Variants in MYT1L observed in about 807,000 individuals in gnomAD.
The protein encoded by MYT1L is myelin transcription factor 1-like protein.
MYT1L carries 12 observed loss-of-function variants against 126.7 expected under a neutral mutation model. The ratio of observed to expected loss-of-function variants is 0.09; its 90% CI spans 0.06 to 0.15. The LOEUF (loss-of-function observed/expected upper bound fraction) is 0.15. Among genes scored for constraint, MYT1L ranks in the 10% least tolerant of loss-of-function variants. The probability of loss-of-function intolerance (pLI) is 1.00; values close to 1 mark genes in which losing one functional copy is unlikely to be tolerated. For synonymous variants in MYT1L, 541 were observed against 604.2 expected (o/e 0.90, Z 1.53); for missense variants, 979 against 1,585.2 (o/e 0.62, Z 6.49).
At chr2:1,969,313 G>T (rs2059628540) in intron 8 of MYT1L, among the ~76,000 whole-genome samples, 1 of 152,230 alleles carries the variant, frequency 6.6e-6, no homozygotes, top group Non-Finnish European at 1.5e-5. Context: ...CTGGTCTTCA[G>T]ATTTGTCTAT....
intron 2 of MYT1L, among the ~76,000 whole-genome samples, chr2:2,189,866 G>A (rs2092468835): frequency 6.7e-6 from 1 of 149,104 alleles, no homozygotes; most frequent in Non-Finnish European, 1.5e-5. Context: ...TCTCAGGACC[G>A]CACGGGGAGA....
intron 2 of MYT1L, among the ~76,000 whole-genome samples, chr2:2,250,668 G>A (rs950789376): frequency 1.3e-5 from 2 of 151,884 alleles, no homozygotes; most frequent in African/African-American, 4.8e-5. Context: ...GAGTATAGTT[G>A]GATTGTTTGT....
intron 3 of MYT1L, among the ~76,000 whole-genome samples, chr2:2,111,430 G>A (rs957360833): frequency 6.6e-6 from 1 of 152,216 alleles, no homozygotes; most frequent in Non-Finnish European, 1.5e-5. Flanking sequence ...GGAGATTTTA[G>A]CAAACCCGAT....
At chr2:1,951,834 T>C (rs2057779848) in intron 8 of MYT1L, among the ~76,000 whole-genome samples, 1 of 152,206 alleles carries the variant, frequency 6.6e-6, no homozygotes, top group African/African-American at 2.4e-5. Context: ...TTGATATCCT[T>C]TCTCACCACT....
chr2:1,883,152 G>A (rs1249762217), intron 18 of MYT1L, among the ~76,000 whole-genome samples: 5 of 152,148 alleles, frequency 3.3e-5, no homozygotes, highest in African/African-American at 9.7e-5. Context: ...CACTAATGTC[G>A]GGACTCGTGG....
At chr2:2,054,988 GAGATA>G (rs1177853687) in intron 3 of MYT1L, among the ~76,000 whole-genome samples, 6 of 152,212 alleles carry the variant, frequency 3.9e-5, no homozygotes, top group Non-Finnish European at 5.9e-5. Flanking sequence ...GAGATGCATG[GAGATA>G]AGATGAGAGG....
intron 4 of MYT1L, among the ~76,000 whole-genome samples, chr2:2,005,155 ATTTCCTGCATATGTTC>A (rs1240393525): frequency 1.3e-5 from 1 of 74,370 alleles, no homozygotes; most frequent in South Asian, 4.4e-4. Flanking sequence ...TGCAGGCATT[ATTTCCTGCATATGTTC>A]TTTCCTGCAT....
At chr2:2,094,511 T>C (rs1219308227) in intron 3 of MYT1L, among the ~76,000 whole-genome samples, 1 of 152,146 alleles carries the variant, frequency 6.6e-6, no homozygotes, top group Non-Finnish European at 1.5e-5. Context: ...AGCAAAGACT[T>C]GGAACCAACC....
rs1356323847 is a variant in MYT1L at position 1,917,067 on chromosome 2, C to T, written c.1618+138G>A. 2 of 1,123,770 alleles carry T rather than the reference C, an allele frequency of 1.8e-6. No individual in the cohort carries two copies. The highest frequency in any genetic ancestry group is 2.5e-6 in the Non-Finnish European group (2 of 796,874). 69.6% of individuals were successfully genotyped at this position (1,123,770 alleles called of 1,614,324 possible). The stretch of plus-strand genomic sequence containing the variant: ...TGCCCACGAATCCTGGATCAGTTGC[C>T]CATCAAGTTAAGTAGGGGCCTAGTT... On this transcript the variant is annotated intron_variant, in intron 11 of 24. Coordinates refer to ENST00000647738, the MANE Select transcript of MYT1L (RefSeq NM_001303052.2). The surrounding 1 kb of genome is among the most constrained non-coding windows in gnomAD (Gnocchi z 5.9).
chr2:2,189,201 C>T (rs2092417022), intron 2 of MYT1L, among the ~76,000 whole-genome samples: 1 of 152,226 alleles, frequency 6.6e-6, no homozygotes, highest in Admixed American at 6.5e-5. Context: ...GGCCATGCCG[C>T]CACCGCAGCG....
chr2:2,264,779 G>A (rs1409900758), intron 2 of MYT1L, among the ~76,000 whole-genome samples: 4 of 152,100 alleles, frequency 2.6e-5, no homozygotes, highest in African/African-American at 9.7e-5. Context: ...ATGTCCAGAG[G>A]AATTCAGCAC....
At chr2:2,120,821 G>A (rs1254807570) in intron 3 of MYT1L, among the ~76,000 whole-genome samples, 1 of 152,040 alleles carries the variant, frequency 6.6e-6, no homozygotes. Context: ...CCTCATCTCT[G>A]AACCGTGCAA....
At chr2:2,079,633 G>A (rs986690658) in intron 3 of MYT1L, among the ~76,000 whole-genome samples, 7 of 152,096 alleles carry the variant, frequency 4.6e-5, no homozygotes, top group South Asian at 2.1e-4. Context: ...GTGAAACCAC[G>A]TGTCTATTAA....
At chr2:1,933,551 G>A (rs1284522402) in intron 9 of MYT1L, among the ~76,000 whole-genome samples, 10 of 152,218 alleles carry the variant, frequency 6.6e-5, no homozygotes, top group Admixed American at 6.5e-4. Flanking sequence ...ATGTGTAAGG[G>A]AAGTTTTTTC....
intron 4 of MYT1L, among the ~76,000 whole-genome samples, chr2:2,046,836 C>A (rs1013500794): frequency 6.6e-6 from 1 of 152,152 alleles, no homozygotes; most frequent in Non-Finnish European, 1.5e-5. Flanking sequence ...TTTTCTATAA[C>A]CCATACTTTT....
chr2:2,317,587 T>TGTGA (rs1347429251), intron 1 of MYT1L, among the ~76,000 whole-genome samples: 1 of 152,026 alleles, frequency 6.6e-6, no homozygotes, highest in African/African-American at 2.4e-5. Context: ...AAATCTCACT[T>TGTGA]AGAAAATTAA....
At chr2:2,288,154 T>C (rs1559559833) in intron 1 of MYT1L, among the ~76,000 whole-genome samples, 1 of 152,180 alleles carries the variant, frequency 6.6e-6, no homozygotes, top group Non-Finnish European at 1.5e-5. Flanking sequence ...TGAATAGGAA[T>C]TGTCATTTAA....
intron 2 of MYT1L, among the ~76,000 whole-genome samples, chr2:2,269,665 C>T (rs1394941949): frequency 1.3e-5 from 2 of 152,138 alleles, no homozygotes; most frequent in African/African-American, 2.4e-5. Context: ...TCTCCAGTAG[C>T]CCCTGGATTT....
At chr2:1,967,372 G>A (rs2059446655) in intron 8 of MYT1L, among the ~76,000 whole-genome samples, 1 of 152,192 alleles carries the variant, frequency 6.6e-6, no homozygotes, top group African/African-American at 2.4e-5. Context: ...GCCTGTCCAG[G>A]CTTCAGAGTT....
Sources: gnomAD v4.1 joint callset for allele counts (sites outside exome capture counted in the v4.1 genomes callset) on GRCh38, gnomAD v4.1.1 for gene constraint, Gnocchi (gnomAD v3.1) non-coding constraint, MANE v1.5 for transcripts, NCBI Gene and HGNC (gene_info 2026-07-23, HGNC 2026-07-21) for gene names.